Variants in ATG7 observed in about 807,000 individuals in gnomAD.
ATG7 encodes the protein autophagy related 7, also known as ubiquitin-like modifier-activating enzyme ATG7.
Under a neutral mutation model 82.4 loss-of-function variants are expected in ATG7, and 70 were observed. The ratio of observed to expected loss-of-function variants is 0.85; its 90% CI spans 0.70 to 1.04. The LOEUF (loss-of-function observed/expected upper bound fraction) is 1.04, where lower values mean the gene tolerates loss of function less well. Ranked by LOEUF, ATG7 falls within the 50% of genes least tolerant of loss-of-function variation. The pLI is 0.00. For missense variants in ATG7, 792 were observed against 864.3 expected (o/e 0.92, Z 1.05); for synonymous variants, 287 against 313.0 (o/e 0.92, Z 0.88).
chr3:11,445,866 T>C (rs1035151540), intron 20 of ATG7, among the ~76,000 whole-genome samples: 4 of 152,206 alleles, frequency 2.6e-5, no homozygotes, highest in Non-Finnish European at 5.9e-5. Context: ...CATATTAGGC[T>C]TTTACTTTGC....
Position 11,284,552 on chromosome 3 carries a change from T to A in ATG7, c.-11+2114T>A, listed in dbSNP as rs549304276. Among the ~76,000 whole-genome samples, 164 of 152,302 alleles carry A rather than the reference T, an allele frequency of 1.1e-3. 1 individual carries two copies. Among genetic ancestry groups the A allele is most frequent in the African/African-American group, 3.5e-3 (147 of 41,564 alleles). On this transcript the variant is annotated intron_variant, in intron 3 of 20. Transcript: ENST00000693202. ...AGATAGGGGTTTTGTTCTACTTTTT[T>A]ATTTTATTTTATTTTTTGAGACGGG...
chr3:11,376,928 A>G (rs1374441088), intron 18 of ATG7, among the ~76,000 whole-genome samples: 1 of 151,996 alleles, frequency 6.6e-6, no homozygotes, highest in Non-Finnish European at 1.5e-5. Flanking sequence ...TTTAGTAGAG[A>G]CGGGGTTTCA....
intron 9 of ATG7, among the ~76,000 whole-genome samples, chr3:11,328,602 A>C (rs1360898814): frequency 6.6e-6 from 1 of 152,204 alleles, no homozygotes; most frequent in African/African-American, 2.4e-5. Context: ...TAATACAGTA[A>C]ATATCTGATA....
chr3:11,565,688 G>T, the ATG7 span, among the ~76,000 whole-genome samples: 1 of 152,184 alleles, frequency 6.6e-6, no homozygotes, highest in African/African-American at 2.4e-5. This position sits in a 1 kb window ranked among gnomAD's most constrained non-coding sequence, Gnocchi z 4.1. Context: ...AGTGACCTGC[G>T]TCCAGAAGGT....
chr3:11,450,264 A>T (rs1313593161), intron 20 of ATG7, among the ~76,000 whole-genome samples: 1 of 152,198 alleles, frequency 6.6e-6, no homozygotes, highest in African/African-American at 2.4e-5. Flanking sequence ...CTGTGTTCTT[A>T]ACTACTACTT....
At chr3:11,363,014 C>A in intron 17 of ATG7, 86 bp downstream of exon 17, 1 of 1,176,994 alleles carries the variant, frequency 8.5e-7, no homozygotes, top group South Asian at 1.4e-5. Context: ...TTTTCTCAGT[C>A]TGACTTTACA....
chr3:11,376,462 G>A (rs1559497510), intron 18 of ATG7, among the ~76,000 whole-genome samples: 1 of 152,192 alleles, frequency 6.6e-6, no homozygotes. Context: ...TTGAGAATTT[G>A]TGAATGAGGT....
chr3:11,499,400 A>G (rs1394446056), intron 20 of ATG7, among the ~76,000 whole-genome samples: 1 of 152,164 alleles, frequency 6.6e-6, no homozygotes, highest in Non-Finnish European at 1.5e-5. Context: ...ACCTTGATCT[A>G]GTGGTTTGTG....
chr3:11,426,818 T>C lies in ATG7; in HGVS notation c.1971T>C (p.Tyr657=), dbSNP rs762677658. 3 of 1,602,964 alleles carry C rather than the reference T, an allele frequency of 1.9e-6. No individual in the cohort carries two copies. The East Asian group carries it at 6.7e-5, about 36-fold the overall frequency. ...TACSSKVLDQ[Y]EREGFNFLAK... is the part of the protein sequence containing the mutation. Reference sequence around the variant, plus strand: ...ATGTTTTACAGGTTCTTGATCAATATGAACGAGAAGGATTTAACTTCCTAG... The same window carrying C: ...ATGTTTTACAGGTTCTTGATCAATACGAACGAGAAGGATTTAACTTCCTAG... The change falls in exon 20 of 21, where the codon TAT becomes TAC. Residue 657 remains tyrosine, a synonymous_variant. Transcript: ENST00000693202.
chr3:11,571,659 C>T, the ATG7 span, among the ~76,000 whole-genome samples: 1 of 152,174 alleles, frequency 6.6e-6, no homozygotes, highest in East Asian at 1.9e-4. Flanking sequence ...AGGGTAAGAC[C>T]CTGTCTCAGG....
the ATG7 span, chr3:11,564,662 ATCCCTCACCACCTCCC>A: frequency 6.5e-3 from 6,101 of 936,148 alleles, 232 homozygotes; most frequent in African/African-American, 0.086. Context: ...GAAGGGTGGC[ATCCCTCACCACCTCCC>A]TCCCTCACCA....
chr3:11,347,376 C>T (rs1475146037), intron 13 of ATG7, among the ~76,000 whole-genome samples: 1 of 152,170 alleles, frequency 6.6e-6, no homozygotes, highest in Non-Finnish European at 1.5e-5. Flanking sequence ...TAAGGCTTTG[C>T]CTCTTGAAGA....
chr3:11,292,241 T>G (rs1374797739), intron 3 of ATG7, among the ~76,000 whole-genome samples: 2 of 151,472 alleles, frequency 1.3e-5, no homozygotes, highest in Admixed American at 1.3e-4. Context: ...TTTATTTTTT[T>G]CTTTCTTTCT....
At chr3:11,332,469 A>G (rs551701707) in intron 10 of ATG7, among the ~76,000 whole-genome samples, 1 of 152,326 alleles carries the variant, frequency 6.6e-6, no homozygotes, top group East Asian at 1.9e-4. Context: ...TTATTTAAAA[A>G]TATGAAGATA....
chr3:11,331,431 A>G lies in ATG7; in HGVS notation c.767+3A>G. 6.3e-7 allele frequency: 1 copy of G among 1,585,716 alleles called. No homozygotes were observed. Among genetic ancestry groups the G allele is most frequent in the South Asian group, 1.1e-5 (1 of 90,500 alleles). ...TTGGTCCTAGCAGCCCACAGATGGT[A>G]TTTACAAGAGTGTGTGTTTGTCTGT... On this transcript the variant is annotated splice_donor_region_variant and intron_variant, in intron 10 of 20. Transcript: ENST00000693202.
intron 19 of ATG7, among the ~76,000 whole-genome samples, chr3:11,390,968 C>T (rs1235347142): frequency 6.6e-6 from 1 of 152,136 alleles, no homozygotes; most frequent in East Asian, 1.9e-4. Flanking sequence ...GCTTCAGTTT[C>T]CTCAGGTATG....
At chr3:11,461,222 C>T (rs371768007) in intron 20 of ATG7, among the ~76,000 whole-genome samples, 2 of 152,222 alleles carry the variant, frequency 1.3e-5, no homozygotes, top group African/African-American at 4.8e-5. Context: ...CAGAGACAGC[C>T]TGCACTGGCA....
rs71626995 is a variant in ATG7, at chr3:11,277,891, A to ACCCCCCCCCCCCCC, written c.-365-3090_-365-3089insCCCCCCCCCCCCCC. On this transcript the variant is annotated intron_variant, in intron 1 of 20. Transcript: ENST00000693202. Reference sequence around the variant, plus strand: ...ACACTCCCAGAGCGGCCCTTTATAGACCCCCCCCCCCCCACCAGGAATGCA... The same window carrying ACCCCCCCCCCCCCC: ...ACACTCCCAGAGCGGCCCTTTATAGACCCCCCCCCCCCCCCCCCCCCCCCCCCACCAGGAATGCA... Among the ~76,000 whole-genome samples, 9 of 60,794 alleles carry ACCCCCCCCCCCCCC rather than the reference A, an allele frequency of 1.5e-4. 2 individuals carry two copies. Among genetic ancestry groups the ACCCCCCCCCCCCCC allele is most frequent in the South Asian group, 2.3e-3 (2 of 866 alleles). The allele number at this position is 60,794 out of a possible 152,430, so 39.9% of individuals were successfully genotyped here. A position where few individuals can be genotyped will look rare whatever the true frequency, so the allele number is the denominator to read the frequency against.
intron 19 of ATG7, among the ~76,000 whole-genome samples, chr3:11,402,050 A>G (rs979501472): frequency 5.3e-5 from 8 of 152,160 alleles, no homozygotes; most frequent in Non-Finnish European, 1.0e-4. Flanking sequence ...TACCCATGCA[A>G]CTGAGACAGG....
Sources: gnomAD v4.1 joint callset for allele counts (sites outside exome capture counted in the v4.1 genomes callset) on GRCh38, gnomAD v4.1.1 for gene constraint, Gnocchi (gnomAD v3.1) non-coding constraint, MANE v1.5 for transcripts, NCBI Gene and HGNC (gene_info 2026-07-23, HGNC 2026-07-21) for gene names.